The following GGA2 variants were observed in gnomAD, a reference collection of about 807,000 sequenced individuals.
GGA2 encodes the protein ADP-ribosylation factor-binding protein GGA2.
In GGA2, 48 loss-of-function variants were observed where a neutral mutation model predicts 79.5. That is an observed-to-expected ratio of 0.60 (90% CI 0.48 to 0.77). GGA2 has a LOEUF of 0.77. GGA2 is among the 30% of genes least tolerant of loss of function. GGA2 has a pLI of 0.00. For synonymous variants in GGA2, 317 were observed against 302.0 expected (o/e 1.05, Z -0.51); for missense variants, 770 against 774.0 (o/e 0.99, Z 0.06).
At position 23,463,863 on chromosome 16, in the gene GGA2, A is replaced by G. The variant is rs1051370535; in HGVS notation, c.*3727T>C. On this transcript the variant is annotated 3_prime_UTR_variant, in exon 17 of 17. Transcript: ENST00000309859. ...GCACCTGTAGTCCCAGCTACTCCAG[A>G]GGCTGAAGCCGGAGGATCGCCTGAA... The G allele has an allele frequency of 4.6e-5, 7 of 152,256 alleles. No homozygotes were observed. The highest frequency in any genetic ancestry group is 1.7e-4 in the African/African-American group (7 of 41,454). 9.4% of individuals were successfully genotyped at this position (152,256 alleles called of 1,614,324 possible).
chr16:23,497,296 T>C (rs1964868726), intron 1 of GGA2, among the ~76,000 whole-genome samples: 1 of 152,130 alleles, frequency 6.6e-6, no homozygotes, highest in African/African-American at 2.4e-5. Flanking sequence ...GTCCACTCTG[T>C]TCCTCTCAGT....
chr16:23,510,522 G>A, upstream of GGA2: 2 of 418,800 alleles, frequency 4.8e-6, no homozygotes, highest in Non-Finnish European at 8.1e-6. Flanking sequence ...CACGTGACGG[G>A]GCGGGGCCGC....
At chr16:23,507,682 C>A (rs1964988835) in intron 1 of GGA2, among the ~76,000 whole-genome samples, 2 of 151,992 alleles carry the variant, frequency 1.3e-5, no homozygotes, top group African/African-American at 4.8e-5. Flanking sequence ...TGCCCGTAAT[C>A]CCAGCTACTT....
intron 9 of GGA2, among the ~76,000 whole-genome samples, chr16:23,482,044 A>G (rs1354518760): frequency 6.6e-6 from 1 of 152,174 alleles, no homozygotes; most frequent in Non-Finnish European, 1.5e-5. Context: ...AGGCAGACGG[A>G]TCACTAGAGG....
intron 1 of GGA2, among the ~76,000 whole-genome samples, chr16:23,505,790 C>G (rs536937705): frequency 6.6e-6 from 1 of 151,264 alleles, no homozygotes; most frequent in Admixed American, 6.6e-5. Flanking sequence ...AACAATAACT[C>G]TTGCAAATCA....
At chr16:23,497,364 TC>T (rs1964869422) in intron 1 of GGA2, among the ~76,000 whole-genome samples, 1 of 152,100 alleles carries the variant, frequency 6.6e-6, no homozygotes, top group Admixed American at 6.6e-5. Context: ...GAAAACTTCC[TC>T]CCGCTGCGCC....
rs756016480 is a variant in GGA2, at chr16:23,465,323, G to T, written c.*2267C>A. On this transcript the variant is annotated 3_prime_UTR_variant, in exon 17 of 17. Transcript: ENST00000309859. ...TAAGTGAATGAAGAGGTAGGAGCTG[G>T]GCTCTAAGTGGCCACTGGACTTGCT... 1.1e-5 allele frequency: 8 copies of T among 702,676 alleles called. No individual in the cohort carries two copies. The highest frequency in any genetic ancestry group is 2.1e-5 in the Non-Finnish European group (8 of 384,822). 43.5% of individuals were successfully genotyped at this position (702,676 alleles called of 1,614,324 possible). A position where few individuals can be genotyped will look rare whatever the true frequency, so the allele number is the denominator to read the frequency against.
chr16:23,474,945 G>A lies in GGA2; in HGVS notation c.1409C>T (p.Pro470Leu). The A allele has an allele frequency of 2.5e-6, 4 of 1,613,198 alleles. No homozygotes were observed. Among genetic ancestry groups the A allele is most frequent in the Non-Finnish European group, 2.5e-6 (3 of 1,179,230 alleles). Residue 470 changes from proline (P) to leucine (L), a missense_variant, in exon 14 of 17, where the codon CCT (proline) becomes CTT (leucine). Transcript: ENST00000309859. ...LAPSPSSQNT[P>L]LAQVFVPLES... ...CAAAGGGACAAACACTTGAGCCAGA[G>A]GTGTATTCTGTGAAGATGGGGAAGG...
chr16:23,495,809 C>G, intron 1 of GGA2, 31 bp from the exon 2 acceptor site: 2 of 1,461,996 alleles, frequency 1.4e-6, no homozygotes, highest in South Asian at 2.3e-5. Flanking sequence ...TTAGAGAGTA[C>G]ATAATAGGAA....
intron 2 of GGA2, among the ~76,000 whole-genome samples, chr16:23,518,496 A>G (rs1965116621): frequency 6.6e-6 from 1 of 152,170 alleles, no homozygotes; most frequent in Admixed American, 6.5e-5. Flanking sequence ...TACAGGAGTA[A>G]GCCACCACAC....
chr16:23,471,145 C>A (rs945158836), intron 14 of GGA2, among the ~76,000 whole-genome samples: 5 of 152,178 alleles, frequency 3.3e-5, no homozygotes, highest in African/African-American at 1.2e-4. Flanking sequence ...CCGGCCAATG[C>A]ATTCTTAATT....
At position 23,465,145 on chromosome 16, in the gene GGA2, TCAA is replaced by T; in HGVS notation, c.*2442_*2444del. 8.4e-6 allele frequency: 5 copies of T among 592,494 alleles called. No individual in the cohort carries two copies. The highest frequency in any genetic ancestry group is 6.1e-5 in the South Asian group (3 of 49,374). The allele number at this position is 592,494 out of a possible 1,614,324, so 36.7% of individuals were successfully genotyped here. ...GTGGTGCCTGGCTCAGGGTAGCTGG[TCAA>T]CAACTAGCTTTTAAAAAAACAGAGA... is the stretch of plus-strand genomic sequence containing the variant. On this transcript the variant is annotated 3_prime_UTR_variant, in exon 17 of 17. Coordinates refer to ENST00000309859, the MANE Select transcript of GGA2 (RefSeq NM_015044.4).
At chr16:23,511,318 ATTTT>A (rs35947720), upstream of GGA2, among the ~76,000 whole-genome samples, 4 of 144,342 alleles carry the variant, frequency 2.8e-5, no homozygotes, top group African/African-American at 1.0e-4. Flanking sequence ...ACACCCAGCT[ATTTT>A]TTTTTTTTTT....
At chr16:23,484,767 T>G (rs1223712228) in intron 8 of GGA2, among the ~76,000 whole-genome samples, 2 of 152,206 alleles carry the variant, frequency 1.3e-5, no homozygotes, top group Non-Finnish European at 2.9e-5. Flanking sequence ...CTGCTGGGAA[T>G]GTAAAATGGC....
intron 9 of GGA2, 47 bp downstream of exon 9, chr16:23,482,876 T>G: frequency 9.3e-7 from 1 of 1,071,806 alleles, no homozygotes; most frequent in Non-Finnish European, 1.5e-6. Context: ...GGACCGAGTC[T>G]GTCTTGCACC....
rs764079876 is a variant in GGA2, at chr16:23,491,813, A to G, written c.352-13T>C. 1.9e-6 allele frequency: 3 copies of G among 1,598,254 alleles called. No individual in the cohort carries two copies. The highest frequency in any genetic ancestry group is 1.1e-5 in the South Asian group (1 of 90,688). ...AGGACCCCAGGTACTGAAAGTAAAA[A>G]GGAAAGAGAATTCTAGAGCTGGAAG... On this transcript the variant is annotated splice_polypyrimidine_tract_variant and intron_variant, in intron 4 of 16. Coordinates refer to ENST00000309859, the MANE Select transcript of GGA2 (RefSeq NM_015044.4).
At chr16:23,520,811 CAG>C (rs1304430657) in intron 1 of GGA2, among the ~76,000 whole-genome samples, 2 of 152,064 alleles carry the variant, frequency 1.3e-5, no homozygotes, top group African/African-American at 4.8e-5. Context: ...CTTGTTGAGA[CAG>C]AGTGTCGCTC....
At position 23,482,991 on chromosome 16, in the gene GGA2, CT is replaced by C; in HGVS notation, c.811del (p.Arg271GlyfsTer43). The C allele has an allele frequency of 3.7e-6, 6 of 1,610,266 alleles. No homozygotes were observed. The highest frequency in any genetic ancestry group is 5.1e-6 in the Non-Finnish European group (6 of 1,176,566). On this transcript the variant is annotated frameshift_variant, in exon 9 of 17. Coordinates refer to ENST00000309859, the MANE Select transcript of GGA2 (RefSeq NM_015044.4). LOFTEE classifies it high-confidence loss of function. ...CAGCGTGGGCCGCAGCTTTTCACAC[CT>C]CTCATACACGACCTGAAAGAGCAGA... ...DQEALQVVYE[R>X]CEKLRPTLFR...
At chr16:23,469,701 A>G in intron 15 of GGA2, 1 of 209,938 alleles carries the variant, frequency 4.8e-6, no homozygotes, top group Non-Finnish European at 9.5e-6. Context: ...GCAACCCTGG[A>G]GCTGTGGGTA....
Sources: gnomAD v4.1 joint callset for allele counts (sites outside exome capture counted in the v4.1 genomes callset) on GRCh38, gnomAD v4.1.1 for gene constraint, MANE v1.5 for transcripts, NCBI Gene and HGNC (gene_info 2026-07-23, HGNC 2026-07-21) for gene names.